Variants in EPHA6 observed in about 807,000 individuals in gnomAD.
EPHA6 encodes ephrin type-A receptor 6.
EPHA6 carries 50 observed loss-of-function variants against 112.0 expected under a neutral mutation model. That is an observed-to-expected ratio of 0.45 (90% CI 0.36 to 0.56). The LOEUF (loss-of-function observed/expected upper bound fraction) is 0.56, where lower values mean the gene tolerates loss of function less well. Ranked by LOEUF, EPHA6 falls within the 20% of genes least tolerant of loss-of-function variation. The pLI is 0.00. For missense variants in EPHA6, 1,280 were observed against 1,417.4 expected (o/e 0.90, Z 1.56); for synonymous variants, 529 against 490.7 (o/e 1.08, Z -1.03).
intron 1 of EPHA6, among the ~76,000 whole-genome samples, chr3:96,863,984 G>A (rs984968458): frequency 6.6e-6 from 1 of 151,954 alleles, no homozygotes; most frequent in African/African-American, 2.4e-5. Context: ...AAATACTGAT[G>A]TTTCTCTCCA....
At chr3:97,536,079 C>A (rs1002097418) in intron 11 of EPHA6, among the ~76,000 whole-genome samples, 1 of 151,858 alleles carries the variant, frequency 6.6e-6, no homozygotes, top group South Asian at 2.1e-4. Flanking sequence ...ATTAATTGAC[C>A]CATAACCATA....
chr3:97,123,413 ACT>A (rs2048097882), intron 3 of EPHA6, among the ~76,000 whole-genome samples: 2 of 152,078 alleles, frequency 1.3e-5, no homozygotes, highest in African/African-American at 4.8e-5. Context: ...GCTGTGTAAT[ACT>A]AGGATTATTG....
At chr3:96,888,230 T>G (rs896503183) in intron 2 of EPHA6, among the ~76,000 whole-genome samples, 2 of 152,182 alleles carry the variant, frequency 1.3e-5, no homozygotes, top group African/African-American at 2.4e-5. Context: ...ATGGCCTGCT[T>G]GGCGACCCAG....
At chr3:97,734,910 T>A (rs140432022) in intron 15 of EPHA6, among the ~76,000 whole-genome samples, 1 of 152,020 alleles carries the variant, frequency 6.6e-6, no homozygotes, top group Non-Finnish European at 1.5e-5. Flanking sequence ...AGGGTCAGTA[T>A]TATCATATTG....
intron 1 of EPHA6, among the ~76,000 whole-genome samples, chr3:96,830,639 T>C (rs1375306542): frequency 1.3e-5 from 2 of 152,088 alleles, no homozygotes; most frequent in East Asian, 3.8e-4. Context: ...AATATTAAAA[T>C]GTAAATATAT....
intron 14 of EPHA6, among the ~76,000 whole-genome samples, chr3:97,638,640 A>C (rs2093972644): frequency 6.6e-6 from 1 of 152,196 alleles, no homozygotes; most frequent in Admixed American, 6.5e-5. Context: ...CCAAACCGTC[A>C]TCCACAAATT....
chr3:97,039,109 C>A (rs2045219101), intron 3 of EPHA6, among the ~76,000 whole-genome samples: 1 of 151,952 alleles, frequency 6.6e-6, no homozygotes, highest in Admixed American at 6.6e-5. Flanking sequence ...AAATGTTTAT[C>A]TTATTATCAA....
chr3:97,611,669 ATCTG>A (rs1370435511), intron 13 of EPHA6, among the ~76,000 whole-genome samples: 6 of 151,494 alleles, frequency 4.0e-5, no homozygotes, highest in African/African-American at 7.3e-5. Flanking sequence ...ATATCTATCT[ATCTG>A]TCTATCTGTC....
At chr3:97,187,463 A>G (rs181613338) in intron 3 of EPHA6, among the ~76,000 whole-genome samples, 1 of 151,720 alleles carries the variant, frequency 6.6e-6, no homozygotes, top group Admixed American at 6.6e-5. Flanking sequence ...CCAGCTACTT[A>G]GGAGGCTGAG....
chr3:97,450,870 G>A (rs1012452574), intron 7 of EPHA6, among the ~76,000 whole-genome samples: 8 of 152,012 alleles, frequency 5.3e-5, no homozygotes, highest in African/African-American at 1.7e-4. Flanking sequence ...GATTAGTGAC[G>A]TGTACTATCA....
intron 12 of EPHA6, among the ~76,000 whole-genome samples, chr3:97,595,222 T>G (rs566280277): frequency 2.0e-5 from 3 of 152,198 alleles, no homozygotes; most frequent in Non-Finnish European, 4.4e-5. Context: ...AAAAAGGTCA[T>G]AGTAAAGGGT....
intron 2 of EPHA6, among the ~76,000 whole-genome samples, chr3:96,892,927 G>T (rs775232875): frequency 2.3e-4 from 34 of 150,806 alleles, no homozygotes; most frequent in Non-Finnish European, 4.3e-4. Context: ...GTTTAGCCTA[G>T]CCTGATTCCA....
chr3:97,629,532 A>T (rs2093886304), intron 13 of EPHA6, among the ~76,000 whole-genome samples: 1 of 152,012 alleles, frequency 6.6e-6, no homozygotes, highest in Non-Finnish European at 1.5e-5. Flanking sequence ...CCATGAAATT[A>T]TAATTTATAA....
chr3:97,596,400 A>G (rs1203649445), intron 12 of EPHA6, among the ~76,000 whole-genome samples: 1 of 152,144 alleles, frequency 6.6e-6, no homozygotes, highest in Admixed American at 6.5e-5. Context: ...AATCCTCTAT[A>G]TTTTTGGCAG....
At chr3:97,188,882 C>T (rs1009874365) in intron 3 of EPHA6, among the ~76,000 whole-genome samples, 1 of 151,894 alleles carries the variant, frequency 6.6e-6, no homozygotes, top group Admixed American at 6.6e-5. Flanking sequence ...TAGGCTAAAT[C>T]ATTAACAGTG....
At chr3:97,277,131 G>A (rs892498938) in intron 5 of EPHA6, among the ~76,000 whole-genome samples, 3 of 152,098 alleles carry the variant, frequency 2.0e-5, no homozygotes, top group Non-Finnish European at 1.5e-5. Flanking sequence ...CAGGCGAGAC[G>A]GAAAGAAGGA....
chr3:97,559,087 A>G (rs2093153547), intron 11 of EPHA6, among the ~76,000 whole-genome samples: 6 of 152,026 alleles, frequency 3.9e-5, no homozygotes, highest in Admixed American at 3.9e-4. Flanking sequence ...ATGAATAAGA[A>G]ACTTTGAGGA....
At chr3:97,250,303 T>C in intron 5 of EPHA6, among the ~76,000 whole-genome samples, 1 of 152,232 alleles carries the variant, frequency 6.6e-6, no homozygotes, top group East Asian at 1.9e-4. Flanking sequence ...ATAGCAATTT[T>C]TCTCCGTGAT....
At chr3:97,416,066 A>T (rs2088098588) in intron 6 of EPHA6, among the ~76,000 whole-genome samples, 1 of 152,072 alleles carries the variant, frequency 6.6e-6, no homozygotes, top group South Asian at 2.1e-4. Flanking sequence ...GCATATAAAA[A>T]TCTAAAACAC....
Sources: gnomAD v4.1 joint callset for allele counts (sites outside exome capture counted in the v4.1 genomes callset) on GRCh38, gnomAD v4.1.1 for gene constraint, MANE v1.5 for transcripts, NCBI Gene and HGNC (gene_info 2026-07-23, HGNC 2026-07-21) for gene names.